The following KCNIP1 variants were observed in gnomAD, a reference collection of about 807,000 sequenced individuals.
KCNIP1 encodes the protein A-type potassium channel modulatory protein KCNIP1.
In KCNIP1, 18 loss-of-function variants were observed where a neutral mutation model predicts 33.0. The observed-to-expected ratio is 0.55, with a 90% CI of 0.38 to 0.81. The LOEUF is 0.81. Among genes scored for constraint, KCNIP1 ranks in the 30% least tolerant of loss-of-function variants. The pLI, the probability that KCNIP1 is intolerant of heterozygous loss-of-function variation, is 0.00. For synonymous variants in KCNIP1, 93 were observed against 98.3 expected, an observed-to-expected ratio of 0.95 and a Z score of 0.32; for missense variants, 238 against 271.6, an observed-to-expected ratio of 0.88 and a Z score of 0.87.
In KCNIP1 at chr5:170,720,385, A is replaced by C. The variant is rs767816503; in HGVS notation, c.251A>C (p.His84Pro). 7 of 1,612,912 alleles carry C rather than the reference A, an allele frequency of 4.3e-6. No individual in the cohort carries two copies. The highest frequency in any genetic ancestry group is 5.9e-6 in the Non-Finnish European group (7 of 1,178,912). Residue 84 changes from histidine to proline, a missense_variant, in exon 3 of 8, where the codon CAT becomes CCT. His to Pro is a moderately conservative substitution (Grantham distance 77). Transcript: ENST00000328939. ...CAGATCTATGCTCAGTTTTTCCCTC[A>C]TGGAGGTGAGTCTGACCTTGAAATC... is the stretch of plus-strand genomic sequence containing the variant. ...FKQIYAQFFP[H>P]GDASTYAHYL...
Position 170,378,909 on chromosome 5 carries a change from C to T in KCNIP1, c.88+24945C>T, listed in dbSNP as rs1326896760. 3.7e-6 allele frequency: 6 copies of T among 1,614,240 alleles called. No individual in the cohort carries two copies. In the South Asian group the frequency reaches 4.4e-5, roughly 12 times the overall value. Reference sequence around the variant, plus strand: ...GACCTGCTGCTCTTGGAATTTGGCTCTGACCTTCTCCACGTCGGCCCGGGC... The same window carrying T: ...GACCTGCTGCTCTTGGAATTTGGCTTTGACCTTCTCCACGTCGGCCCGGGC... On this transcript the variant is annotated intron_variant, in intron 1 of 7. Coordinates refer to the KCNIP1 transcript ENST00000377360.
At chr5:170,452,593 T>C (rs1756280912) in intron 1 of KCNIP1, among the ~76,000 whole-genome samples, 1 of 152,216 alleles carries the variant, frequency 6.6e-6, no homozygotes, top group African/African-American at 2.4e-5. Context: ...TCCATGGCTG[T>C]AAAATTGTCA....
intron 1 of KCNIP1, among the ~76,000 whole-genome samples, chr5:170,465,565 AT>A (rs1756591402): frequency 6.6e-6 from 1 of 152,230 alleles, no homozygotes; most frequent in Non-Finnish European, 1.5e-5. Context: ...AAACAAAAAA[AT>A]AGATACTTCC....
chr5:170,453,529 T>C (rs949545252), intron 1 of KCNIP1, among the ~76,000 whole-genome samples: 1 of 152,250 alleles, frequency 6.6e-6, no homozygotes, highest in African/African-American at 2.4e-5. Flanking sequence ...CCAACACGAC[T>C]AGTGGACAGA....
chr5:170,656,091 C>G (rs1488638649), intron 1 of KCNIP1, among the ~76,000 whole-genome samples: 1 of 152,142 alleles, frequency 6.6e-6, no homozygotes, highest in Non-Finnish European at 1.5e-5. Context: ...GCGAGAGTAG[C>G]ACGGCTCTGA....
chr5:170,551,526 G>A (rs1199995423), intron 1 of KCNIP1, among the ~76,000 whole-genome samples: 1 of 152,186 alleles, frequency 6.6e-6, no homozygotes, highest in Non-Finnish European at 1.5e-5. Flanking sequence ...CCTGGGCCAG[G>A]GCTTCCCCAG....
At chr5:170,699,715 C>T (rs1763026884) in intron 1 of KCNIP1, among the ~76,000 whole-genome samples, 1 of 152,096 alleles carries the variant, frequency 6.6e-6, no homozygotes, top group South Asian at 2.1e-4. Context: ...CAGCTGAAAC[C>T]TCAAACATCC....
chr5:170,532,525 C>T (rs985439184), intron 1 of KCNIP1, among the ~76,000 whole-genome samples: 123 of 152,290 alleles, frequency 8.1e-4, no homozygotes, highest in African/African-American at 2.9e-3. Context: ...CATGCATGTG[C>T]TCTCTCTTTC....
intron 1 of KCNIP1, among the ~76,000 whole-genome samples, chr5:170,543,595 C>T (rs139232203): frequency 6.0e-4 from 91 of 152,258 alleles, no homozygotes; most frequent in Non-Finnish European, 1.1e-3. Flanking sequence ...TTTCACAGCA[C>T]AATAAATAAA....
intron 1 of KCNIP1, among the ~76,000 whole-genome samples, chr5:170,385,058 G>A (rs1764407877): frequency 1.3e-5 from 2 of 152,174 alleles, no homozygotes; most frequent in African/African-American, 4.8e-5. Context: ...TCTGAGAAGG[G>A]CATCATGTGT....
intron 1 of KCNIP1, among the ~76,000 whole-genome samples, chr5:170,581,928 A>T (rs1018964864): frequency 2.2e-5 from 3 of 134,652 alleles, no homozygotes; most frequent in African/African-American, 5.3e-5. Context: ...CAGAGATCAC[A>T]TGGCAAGAAA....
intron 1 of KCNIP1, among the ~76,000 whole-genome samples, chr5:170,705,003 G>A (rs1434225448): frequency 6.6e-6 from 1 of 152,102 alleles, no homozygotes; most frequent in Admixed American, 6.5e-5. Flanking sequence ...TGTGAGATGC[G>A]CTGACATTTA....
intron 1 of KCNIP1, among the ~76,000 whole-genome samples, chr5:170,637,240 C>G (rs977182063): frequency 6.6e-6 from 1 of 152,108 alleles, no homozygotes; most frequent in Non-Finnish European, 1.5e-5. Context: ...TTGACACCCT[C>G]TACCCACCCC....
intron 1 of KCNIP1, among the ~76,000 whole-genome samples, chr5:170,564,087 G>A (rs950153490): frequency 2.0e-5 from 3 of 152,054 alleles, no homozygotes; most frequent in Admixed American, 6.5e-5. Flanking sequence ...AACACATTAC[G>A]AACCAGCTAT....
At chr5:170,704,450 C>G (rs1763190979) in intron 1 of KCNIP1, among the ~76,000 whole-genome samples, 1 of 107,532 alleles carries the variant, frequency 9.3e-6, no homozygotes, top group Admixed American at 8.2e-5. Context: ...ATTATGCATA[C>G]CTCACAGGGG....
At chr5:170,511,019 G>A (rs2113264733) in intron 1 of KCNIP1, among the ~76,000 whole-genome samples, 1 of 152,212 alleles carries the variant, frequency 6.6e-6, no homozygotes, top group Non-Finnish European at 1.5e-5. Context: ...GACCAGCCTG[G>A]CCAATATGGT....
At chr5:170,537,988 G>A (rs1756059458) in intron 1 of KCNIP1, among the ~76,000 whole-genome samples, 1 of 152,230 alleles carries the variant, frequency 6.6e-6, no homozygotes, top group Non-Finnish European at 1.5e-5. Context: ...CTTAAAGCAG[G>A]AGTAATGAAC....
At chr5:170,423,426 C>T (rs1470272807) in intron 1 of KCNIP1, among the ~76,000 whole-genome samples, 1 of 152,156 alleles carries the variant, frequency 6.6e-6, no homozygotes, top group African/African-American at 2.4e-5. Flanking sequence ...TTGTGTACCT[C>T]TCTCCATTTG....
chr5:170,720,123 C>A (rs1763768126), intron 2 of KCNIP1, among the ~76,000 whole-genome samples, 198 bp from the exon 3 acceptor site: 1 of 152,188 alleles, frequency 6.6e-6, no homozygotes, highest in African/African-American at 2.4e-5. Context: ...CTCCACCTCA[C>A]AGTGCCCATT....
Sources: gnomAD v4.1 joint callset for allele counts (sites outside exome capture counted in the v4.1 genomes callset) on GRCh38, gnomAD v4.1.1 for gene constraint, MANE v1.5 for transcripts, NCBI Gene and HGNC (gene_info 2026-07-23, HGNC 2026-07-21) for gene names.